The following PDLIM7 variants were observed in gnomAD, a reference collection of about 807,000 sequenced individuals.
The protein encoded by PDLIM7 is PDZ and LIM domain protein 7.
PDLIM7 carries 37 observed loss-of-function variants against 53.9 expected under a neutral mutation model. The observed-to-expected ratio is 0.69, with a 90% CI of 0.53 to 0.90. PDLIM7 has a LOEUF of 0.90. PDLIM7 is among the 40% of genes least tolerant of loss of function. The pLI, the probability that PDLIM7 is intolerant of heterozygous loss-of-function variation, is 0.00. For missense variants in PDLIM7, 617 were observed against 638.5 expected (o/e 0.97, Z 0.36); for synonymous variants, 300 against 261.3 (o/e 1.15, Z -1.43).
chr5:177,492,457 A>T, intron 3 of PDLIM7, 22 bp from the exon 4 acceptor site: 1 of 1,613,532 alleles, frequency 6.2e-7, no homozygotes, highest in African/African-American at 1.3e-5. Flanking sequence ...GGAAAGCGTG[A>T]CAGCGGGCCG....
intron 2 of PDLIM7, among the ~76,000 whole-genome samples, chr5:177,493,177 A>AC (rs1291409430): frequency 4.6e-5 from 7 of 151,438 alleles, no homozygotes; most frequent in African/African-American, 1.2e-4. Context: ...TGGACCTCTC[A>AC]CCCCCCAGCA....
intron 4 of PDLIM7, 186 bp from the exon 5 acceptor site, chr5:177,492,111 C>T (rs928363387): frequency 3.6e-5 from 15 of 419,174 alleles, no homozygotes; most frequent in African/African-American, 2.5e-4. Flanking sequence ...TTGGGAGTGG[C>T]GATCTCAGTC....
At chr5:177,490,446 G>T (rs933080358) in intron 7 of PDLIM7, 1 of 1,535,460 alleles carries the variant, frequency 6.5e-7, no homozygotes, top group Non-Finnish European at 8.7e-7. Flanking sequence ...CCCTGGGCAG[G>T]AGGAACAGAA....
intron 10 of PDLIM7, among the ~76,000 whole-genome samples, chr5:177,487,003 T>C (rs1434491003): frequency 1.6e-5 from 2 of 124,724 alleles, no homozygotes; most frequent in East Asian, 2.8e-4. Context: ...GGCACAATCT[T>C]GGCTCACTGC....
chr5:177,487,471 G>A lies in PDLIM7; in HGVS notation c.1050+597C>T, dbSNP rs574760750. ...CTGGCTGGAAGGTGAGCATTTTGGC[G>A]GAGGCTGAAGTGTCATCTTGCACCA... On this transcript the variant is annotated intron_variant, in intron 10 of 12. Transcript: ENST00000355841. Among the ~76,000 whole-genome samples the A allele has an allele frequency of 1.6e-4, 24 of 152,356 alleles. 1 individual carries two copies. Among genetic ancestry groups the A allele is most frequent in the African/African-American group, 4.1e-4 (17 of 41,580 alleles).
At chr5:177,486,379 C>T (rs116782796) in intron 10 of PDLIM7, among the ~76,000 whole-genome samples, 13 of 152,290 alleles carry the variant, frequency 8.5e-5, no homozygotes, top group African/African-American at 2.2e-4. Flanking sequence ...GCAACCGTGC[C>T]GGCCCTAGCA....
chr5:177,489,544 T>C lies in PDLIM7; in HGVS notation c.718A>G (p.Ser240Gly). ...TGGCTGTGCCGGGTCAGCACTGTGCTCGTTTTGTCCGGGGCATAGCGCTCG... is the reference window on the plus strand; with the variant it reads ...TGGCTGTGCCGGGTCAGCACTGTGCCCGTTTTGTCCGGGGCATAGCGCTCG... ...FAERYAPDKTSTVLTRHSQPA... is the reference protein window; with the variant it reads ...FAERYAPDKTGTVLTRHSQPA... Residue 240 changes from serine to glycine, a missense_variant, in exon 9 of 13, where the codon AGC becomes GGC. Coordinates refer to ENST00000355841, the MANE Select transcript of PDLIM7 (RefSeq NM_005451.5). 2 of 1,610,672 alleles carry C rather than the reference T, an allele frequency of 1.2e-6. No homozygotes were observed. The highest frequency in any genetic ancestry group is 2.2e-5 in the South Asian group (2 of 90,566).
Position 177,489,762 on chromosome 5 carries a change from C to G in PDLIM7, c.634+9G>C. On this transcript the variant is annotated intron_variant, in intron 8 of 12. Transcript: ENST00000355841. ...ACCCTTGCCCAGGCCCGAGCCCACT[C>G]CCTCTCACCAGGCCAGGGCTCCTGG... 6.5e-7 allele frequency: 1 copy of G among 1,541,376 alleles called. No homozygotes were observed. The highest frequency in any genetic ancestry group is 8.8e-7 in the Non-Finnish European group (1 of 1,142,752).
intron 10 of PDLIM7, among the ~76,000 whole-genome samples, chr5:177,487,198 G>T (rs1351190640): frequency 6.6e-6 from 1 of 152,114 alleles, no homozygotes; most frequent in Non-Finnish European, 1.5e-5. Context: ...CTCCCAAAGT[G>T]CTGGGATACA....
intron 3 of PDLIM7, 26 bp from the exon 4 acceptor site, chr5:177,492,461 C>G (rs552486307): frequency 1.2e-6 from 2 of 1,613,506 alleles, no homozygotes; most frequent in South Asian, 1.1e-5. Flanking sequence ...AGCGTGACAG[C>G]GGGCCGGGCC....
chr5:177,490,863 C>G lies in PDLIM7; in HGVS notation c.572+7G>C. ...GGTGGGAGAGGGGCTGGTGCCCGTC[C>G]CTGTACCTTGATTTCTTCAGGTGCT... On this transcript the variant is annotated splice_region_variant and intron_variant, in intron 7 of 12. Transcript: ENST00000355841. The G allele has an allele frequency of 6.2e-7, 1 of 1,613,912 alleles. No homozygotes were observed. The highest frequency in any genetic ancestry group is 8.5e-7 in the Non-Finnish European group (1 of 1,179,914).
In PDLIM7 at chr5:177,491,792, C is replaced by A; in HGVS notation, c.398+15G>T. On this transcript the variant is annotated intron_variant, in intron 5 of 12. Transcript: ENST00000355841. ...GCCTGATGGCGTGGGCGCGGGCGGG[C>A]AGGGGCCGACGTACCCATTCTGCTG... The A allele has an allele frequency of 7.5e-6, 9 of 1,197,380 alleles. No individual in the cohort carries two copies. The highest frequency in any genetic ancestry group is 9.6e-6 in the Non-Finnish European group (9 of 933,596). The allele number at this position is 1,197,380 out of a possible 1,614,324, so 74.2% of individuals were successfully genotyped here. A position where few individuals can be genotyped will look rare whatever the true frequency, so the allele number is the denominator to read the frequency against.
At chr5:177,490,449 G>C in intron 7 of PDLIM7, 1 of 1,536,562 alleles carries the variant, frequency 6.5e-7, no homozygotes, top group South Asian at 1.2e-5. Context: ...TGGGCAGGAG[G>C]AACAGAAAGA....
chr5:177,484,382 T>C, intron 10 of PDLIM7, 192 bp from the exon 11 acceptor site: 1 of 627,528 alleles, frequency 1.6e-6, no homozygotes, highest in Non-Finnish European at 2.7e-6. Flanking sequence ...GCCTTCAGAC[T>C]TGCCATGTCC....
chr5:177,484,083 G>T lies in PDLIM7; in HGVS notation c.1158C>A (p.Pro386=), dbSNP rs766334868. ...GCCAGTGGGTACCTCGCTCGCAATAGGGCACGCCCTCCTCCATGTAGAAGG... is the reference window on the plus strand; with the variant it reads ...GCCAGTGGGTACCTCGCTCGCAATATGGCACGCCCTCCTCCATGTAGAAGG... ...NRAFYMEEGV[P]YCERDYEKMF... The change falls in exon 11 of 13, where the codon CCC becomes CCA. Residue 386 remains proline, a synonymous_variant. Transcript: ENST00000355841. The T allele has an allele frequency of 6.2e-7, 1 of 1,614,016 alleles. No individual in the cohort carries two copies. Among genetic ancestry groups the T allele is most frequent in the Non-Finnish European group, 8.5e-7 (1 of 1,179,996 alleles).
chr5:177,495,957 G>A (rs1050562393), intron 2 of PDLIM7, among the ~76,000 whole-genome samples: 5 of 151,962 alleles, frequency 3.3e-5, no homozygotes, highest in Admixed American at 2.6e-4. Flanking sequence ...CTCGATGAGC[G>A]AGCCCCGCCA....
At chr5:177,496,279 C>G in intron 2 of PDLIM7, 138 bp downstream of exon 2, 1 of 581,534 alleles carries the variant, frequency 1.7e-6, no homozygotes. Context: ...CAGGCAGGTA[C>G]CACTACATCT....
At chr5:177,494,078 A>C (rs530427500) in intron 2 of PDLIM7, among the ~76,000 whole-genome samples, 2 of 152,364 alleles carry the variant, frequency 1.3e-5, no homozygotes, top group Non-Finnish European at 1.5e-5. Context: ...CTAGATAAGA[A>C]GACTTGCTTC....
At chr5:177,492,467 G>C (rs571071474) in intron 3 of PDLIM7, 32 bp from the exon 4 acceptor site, 2 of 1,613,500 alleles carry the variant, frequency 1.2e-6, no homozygotes, top group African/African-American at 1.3e-5. Context: ...ACAGCGGGCC[G>C]GGCCCGCAGG....
Sources: allele counts gnomAD v4.1 joint callset (sites outside exome capture counted in the v4.1 genomes callset), GRCh38; gene constraint gnomAD v4.1.1; transcripts MANE v1.5; gene names NCBI Gene and HGNC (gene_info 2026-07-23, HGNC 2026-07-21).